Variants in CIAPIN1 observed in about 807,000 individuals in gnomAD.
The protein encoded by CIAPIN1 is cytokine induced apoptosis inhibitor 1, also known as anamorsin.
A neutral mutation model predicts 34.3 loss-of-function variants in CIAPIN1; 18 were observed. That is an observed-to-expected ratio of 0.52 (90% confidence interval 0.36 to 0.78). CIAPIN1 has a LOEUF of 0.78. Among genes scored for constraint, CIAPIN1 ranks in the 30% least tolerant of loss-of-function variants. CIAPIN1 has a pLI of 0.00. For missense variants in CIAPIN1, 310 were observed against 372.5 expected (o/e 0.83, Z 1.38); for synonymous variants, 131 against 140.4 (o/e 0.93, Z 0.47).
At chr16:57,436,812 C>T (rs1026091586) in intron 3 of CIAPIN1, 80 bp from the exon 4 acceptor site, 58 of 1,141,054 alleles carry the variant, frequency 5.1e-5, no homozygotes, top group Admixed American at 2.2e-4. Context: ...TATATGGGTT[C>T]GCAGGCATTC....
chr16:57,443,174 T>C (rs532526214), intron 1 of CIAPIN1, among the ~76,000 whole-genome samples: 1 of 139,002 alleles, frequency 7.2e-6, no homozygotes, highest in South Asian at 2.3e-4. Context: ...GAGGACAGAG[T>C]TTCACTCTTG....
chr16:57,430,999 A>ATT (rs370066306), intron 7 of CIAPIN1, 152 bp downstream of exon 7: 270 of 420,356 alleles, frequency 6.4e-4, no homozygotes, highest in South Asian at 9.5e-4. Flanking sequence ...TGCCTGGCTA[A>ATT]TTTTTTTTTT....
At chr16:57,436,313 C>A (rs1055998744) in intron 4 of CIAPIN1, among the ~76,000 whole-genome samples, 1 of 152,192 alleles carries the variant, frequency 6.6e-6, no homozygotes, top group Admixed American at 6.5e-5. Context: ...CTGCAAGCTC[C>A]GCCTCTCAGG....
At chr16:57,436,462 T>A (rs1464566204) in intron 4 of CIAPIN1, among the ~76,000 whole-genome samples, 194 bp downstream of exon 4, 2 of 152,046 alleles carry the variant, frequency 1.3e-5, no homozygotes, top group African/African-American at 4.8e-5. Context: ...TCTCCTGAGC[T>A]CGTGATCCAC....
In CIAPIN1 at chr16:57,439,348, G is replaced by A; in HGVS notation, c.158-14C>T. 1 of 1,614,020 alleles carries A rather than the reference G, an allele frequency of 6.2e-7. No individual in the cohort carries two copies. Among genetic ancestry groups the A allele is most frequent in the East Asian group, 2.2e-5 (1 of 44,888 alleles). On this transcript the variant is annotated splice_polypyrimidine_tract_variant and intron_variant, in intron 2 of 8. Coordinates refer to ENST00000394391, the MANE Select transcript of CIAPIN1 (RefSeq NM_020313.4). ...CTTTGTGGGCAGCTGAAAAGAAGAG[G>A]ACTCTAATTAGCAATCTCCTGAGCC...
At chr16:57,436,999 C>T (rs777250909) in intron 3 of CIAPIN1, among the ~76,000 whole-genome samples, 10 of 152,032 alleles carry the variant, frequency 6.6e-5, no homozygotes, top group Admixed American at 2.6e-4. Context: ...TGGTGGCACA[C>T]GCCTGTAATC....
Position 57,430,203 on chromosome 16 carries a change from A to G in CIAPIN1, c.828+55T>C. 4 of 1,439,634 alleles carry G rather than the reference A, an allele frequency of 2.8e-6. 1 individual carries two copies. Among genetic ancestry groups the G allele is most frequent in the Non-Finnish European group, 2.0e-6 (2 of 1,022,696 alleles). The allele number at this position is 1,439,634 out of a possible 1,614,324, so 89.2% of individuals were successfully genotyped here. On this transcript the variant is annotated intron_variant, in intron 8 of 8. Coordinates refer to ENST00000394391, the MANE Select transcript of CIAPIN1 (RefSeq NM_020313.4). ...AGCTTGTCTGTGTTTAGTTTAGAAG[A>G]AGGTCTAATCCCCCTGGGGGTTTGT...
chr16:57,433,113 T>C (rs1163814205), intron 5 of CIAPIN1, among the ~76,000 whole-genome samples: 1 of 152,092 alleles, frequency 6.6e-6, no homozygotes, highest in Non-Finnish European at 1.5e-5. Flanking sequence ...TACAAGAAAA[T>C]AGGCTCTAGA....
intron 5 of CIAPIN1, 74 bp from the exon 6 acceptor site, chr16:57,432,634 C>T (rs1598022538): frequency 7.4e-7 from 1 of 1,354,114 alleles, no homozygotes; most frequent in East Asian, 2.4e-5. Context: ...TACATAAATG[C>T]TTCCTGCTGT....
chr16:57,428,980 G>C lies in CIAPIN1; in HGVS notation c.*190C>G. ...TGAAACCAGGTCCCATAATACCTTG[G>C]TCTTTTGATACACAGCAGCACTACA... On this transcript the variant is annotated 3_prime_UTR_variant, in exon 9 of 9. Coordinates refer to ENST00000394391, the MANE Select transcript of CIAPIN1 (RefSeq NM_020313.4). 1.8e-6 allele frequency: 1 copy of C among 541,582 alleles called. No homozygotes were observed. The highest frequency in any genetic ancestry group is 3.1e-5 in the East Asian group (1 of 32,318). 33.5% of individuals were successfully genotyped at this position (541,582 alleles called of 1,614,324 possible).
chr16:57,445,697 G>A (rs1210240939), intron 1 of CIAPIN1, among the ~76,000 whole-genome samples: 2 of 152,040 alleles, frequency 1.3e-5, no homozygotes, highest in African/African-American at 4.8e-5. Flanking sequence ...ATGGTAGGAA[G>A]GCACAATTAC....
At chr16:57,434,363 T>C (rs1437317564) in intron 4 of CIAPIN1, 151 bp from the exon 5 acceptor site, 3 of 689,950 alleles carry the variant, frequency 4.3e-6, no homozygotes, top group Middle Eastern at 2.6e-4. Context: ...CACATTCAGT[T>C]TCTCACTGAT....
intron 4 of CIAPIN1, among the ~76,000 whole-genome samples, chr16:57,435,273 C>A (rs571933326): frequency 6.6e-6 from 1 of 152,266 alleles, no homozygotes; most frequent in East Asian, 1.9e-4. Context: ...AGTAAAAGTT[C>A]ATTGAGGCCT....
intron 3 of CIAPIN1, among the ~76,000 whole-genome samples, chr16:57,438,567 T>C (rs1903253986): frequency 1.3e-5 from 2 of 152,220 alleles, no homozygotes; most frequent in Non-Finnish European, 1.5e-5. Context: ...ATTTCTTTTA[T>C]ATGTACTCGT....
chr16:57,434,197 G>A lies in CIAPIN1; in HGVS notation c.403C>T (p.Leu135=), dbSNP rs1222507799. The change falls in exon 5 of 9, where the codon CTA becomes TTA. Residue 135 remains leucine, a synonymous_variant. Coordinates refer to ENST00000394391, the MANE Select transcript of CIAPIN1 (RefSeq NM_020313.4). ...VEVKELQREP[L]TPEEVQSVRE... is the part of the protein sequence containing the mutation. ...ACAGACTGTACTTCCTCAGGGGTTA[G>A]GGGCTCCCGCTGCAGCTAGAATTCA... is the stretch of plus-strand genomic sequence containing the variant. 6.2e-7 allele frequency: 1 copy of A among 1,614,006 alleles called. No homozygotes were observed.
Position 57,436,917 on chromosome 16 carries a change from A to G in CIAPIN1, c.311-185T>C, listed in dbSNP as rs569785685. 5.7e-4 allele frequency among the ~76,000 whole-genome samples: 87 copies of G among 152,172 alleles called. 1 individual carries two copies. Among genetic ancestry groups the G allele is most frequent in the African/African-American group, 2.1e-3 (87 of 41,516 alleles). ...ACAGATCACTTGGGGCCAGGAGTTC[A>G]AGACCAATCTGGGGCCAACATAGCA... On this transcript the variant is annotated intron_variant, in intron 3 of 8. Transcript: ENST00000394391.
intron 1 of CIAPIN1, among the ~76,000 whole-genome samples, chr16:57,444,687 G>C (rs188804387): frequency 4.5e-4 from 68 of 152,262 alleles, no homozygotes; most frequent in Admixed American, 3.9e-3. Flanking sequence ...CAAAAAACAG[G>C]CATAGCCACT....
chr16:57,446,687 G>A (rs1391374267), intron 1 of CIAPIN1, among the ~76,000 whole-genome samples: 1 of 152,138 alleles, frequency 6.6e-6, no homozygotes. Context: ...TCCCGAACTT[G>A]CAGATCCTAC....
At chr16:57,444,264 TA>T in intron 1 of CIAPIN1, among the ~76,000 whole-genome samples, 1 of 152,300 alleles carries the variant, frequency 6.6e-6, no homozygotes, top group East Asian at 1.9e-4. Flanking sequence ...ATCAGTAAAG[TA>T]GGGATAAAAA....
Sources: allele counts gnomAD v4.1 joint callset (sites outside exome capture counted in the v4.1 genomes callset), GRCh38; gene constraint gnomAD v4.1.1; transcripts MANE v1.5; gene names NCBI Gene and HGNC (gene_info 2026-07-23, HGNC 2026-07-21).